The following EHMT1 variants were observed in gnomAD, a reference collection of about 807,000 sequenced individuals.
The protein encoded by EHMT1 is euchromatic histone lysine methyltransferase 1, also known as histone-lysine N-methyltransferase EHMT1.
In EHMT1, 15 loss-of-function variants were observed where a neutral mutation model predicts 147.2. That is an observed-to-expected ratio of 0.10 (90% CI 0.07 to 0.16). The LOEUF is 0.16. EHMT1 is among the 10% of genes least tolerant of loss of function. EHMT1 has a pLI of 1.00. For missense variants in EHMT1, 1,587 were observed against 1,772.4 expected (o/e 0.90, Z 1.88); for synonymous variants, 795 against 709.6 (o/e 1.12, Z -1.91).
chr9:137,643,410 G>A (rs1412319010), intron 1 of EHMT1, among the ~76,000 whole-genome samples: 2 of 142,494 alleles, frequency 1.4e-5, no homozygotes, highest in Admixed American at 7.6e-5. Flanking sequence ...GTGCCATCTC[G>A]GCTCACTGCA....
Position 137,782,505 on chromosome 9 carries a change from T to C in EHMT1, c.2382+108T>C. ...TTCTTCCAGTGTAAGAGTTCCGTAG[T>C]GCTGTGAATCGGGCACAGAGTCAGC... On this transcript the variant is annotated intron_variant, in intron 15 of 26. Transcript: ENST00000460843. The surrounding 1 kb of genome is among the most constrained non-coding windows in gnomAD (Gnocchi z 5.7). 9.4e-7 allele frequency: 1 copy of C among 1,059,568 alleles called. No homozygotes were observed. Among genetic ancestry groups the C allele is most frequent in the Non-Finnish European group, 1.4e-6 (1 of 717,052 alleles). The allele number at this position is 1,059,568 out of a possible 1,614,324, so 65.6% of individuals were successfully genotyped here.
chr9:137,728,611 C>G (rs549162838), intron 4 of EHMT1, 82 bp downstream of exon 4: 65 of 1,567,316 alleles, frequency 4.1e-5, no homozygotes, highest in Admixed American at 2.4e-4. Context: ...TTCTGTTTGG[C>G]TGTAAGTGCC....
intron 1 of EHMT1, among the ~76,000 whole-genome samples, chr9:137,643,780 C>CT (rs1483331988): frequency 3.3e-5 from 5 of 152,186 alleles, no homozygotes; most frequent in Admixed American, 6.5e-5. Flanking sequence ...TTGAGAGTCT[C>CT]TGTCTGTGGT....
At chr9:137,824,121 G>A (rs576676739) in intron 25 of EHMT1, among the ~76,000 whole-genome samples, 2 of 152,204 alleles carry the variant, frequency 1.3e-5, no homozygotes, top group South Asian at 2.1e-4. Context: ...AAAAATGCAA[G>A]TTAAGGCCAG....
chr9:137,740,691 A>G (rs1247582530), intron 4 of EHMT1, among the ~76,000 whole-genome samples: 1 of 152,238 alleles, frequency 6.6e-6, no homozygotes, highest in Non-Finnish European at 1.5e-5. Flanking sequence ...AGCAAATTTT[A>G]TACCTAACAT....
At chr9:137,716,591 C>G (rs762855093) in intron 2 of EHMT1, 35 bp from the exon 3 acceptor site, 8 of 1,530,400 alleles carry the variant, frequency 5.2e-6, no homozygotes, top group Non-Finnish European at 7.0e-6. Context: ...GAGAGCGTGG[C>G]CTGCAGTCAG....
intron 14 of EHMT1, among the ~76,000 whole-genome samples, chr9:137,781,744 C>T (rs979222721): frequency 3.9e-5 from 6 of 152,136 alleles, no homozygotes; most frequent in Non-Finnish European, 5.9e-5. Context: ...CTGGACAGTA[C>T]GTCAAGTAAA....
intron 4 of EHMT1, among the ~76,000 whole-genome samples, chr9:137,733,899 T>C (rs1947320431): frequency 6.6e-6 from 1 of 152,164 alleles, no homozygotes; most frequent in African/African-American, 2.4e-5. Flanking sequence ...GAAAAGACCT[T>C]AAGTTTAAAT....
intron 18 of EHMT1, among the ~76,000 whole-genome samples, chr9:137,807,664 C>T (rs1447731108): frequency 4.6e-5 from 7 of 152,038 alleles, no homozygotes; most frequent in Admixed American, 6.5e-5. Context: ...CGCACGACCA[C>T]GCCTGGCTAA....
At chr9:137,741,039 C>T (rs951074225) in intron 4 of EHMT1, among the ~76,000 whole-genome samples, 19 of 150,290 alleles carry the variant, frequency 1.3e-4, no homozygotes, top group African/African-American at 4.0e-4. Flanking sequence ...TGCAGTGGTG[C>T]GATCCTGGCT....
intron 21 of EHMT1, among the ~76,000 whole-genome samples, chr9:137,814,056 G>GCCCCCCCCCCCCCCCCCC (rs71387862): frequency 2.0e-5 from 1 of 50,050 alleles, no homozygotes; most frequent in African/African-American, 1.2e-4. Flanking sequence ...CACTGCCCAG[G>GCCCCCCCCCCCCCCCCCC]CCCCCCCCCC....
chr9:137,725,335 T>A (rs2135727488), intron 3 of EHMT1, among the ~76,000 whole-genome samples: 1 of 152,310 alleles, frequency 6.6e-6, no homozygotes, highest in East Asian at 1.9e-4. Context: ...CTTTCAGTGT[T>A]CCGTGTGTGA....
intron 18 of EHMT1, among the ~76,000 whole-genome samples, chr9:137,808,789 A>C (rs562643308): frequency 5.1e-4 from 77 of 152,226 alleles, no homozygotes; most frequent in African/African-American, 1.8e-3. Flanking sequence ...TGGGCCTGGT[A>C]GCATGAGCCT....
intron 22 of EHMT1, among the ~76,000 whole-genome samples, chr9:137,815,104 G>A (rs577533655): frequency 6.6e-6 from 1 of 152,256 alleles, no homozygotes; most frequent in African/African-American, 2.4e-5. Context: ...TCACGGTGGG[G>A]GCGGAAGCCA....
At chr9:137,795,485 G>A (rs562519687) in intron 16 of EHMT1, among the ~76,000 whole-genome samples, 3 of 148,870 alleles carry the variant, frequency 2.0e-5, no homozygotes, top group Non-Finnish European at 4.5e-5. Context: ...ACTCAGACCA[G>A]GACAACGTAG....
chr9:137,652,383 G>A (rs139202373), intron 1 of EHMT1, among the ~76,000 whole-genome samples: 9 of 152,180 alleles, frequency 5.9e-5, no homozygotes, highest in Admixed American at 2.6e-4. Flanking sequence ...CCCGGCCAGT[G>A]TGTCTTAGTT....
intron 3 of EHMT1, among the ~76,000 whole-genome samples, chr9:137,723,841 T>C (rs1382216474): frequency 6.6e-6 from 1 of 152,252 alleles, no homozygotes; most frequent in Non-Finnish European, 1.5e-5. Flanking sequence ...TTGTCACGGC[T>C]GCAGTCTCAC....
chr9:137,717,345 G>T, intron 3 of EHMT1, 163 bp downstream of exon 3: 1 of 918,658 alleles, frequency 1.1e-6, no homozygotes, highest in African/African-American at 1.6e-5. Flanking sequence ...GCTTACAGCT[G>T]TTATCGCAGC....
Position 137,707,864 on chromosome 9 carries a change from T to C in EHMT1, c.22-3103T>C, listed in dbSNP as rs541471707. On this transcript the variant is annotated intron_variant, in intron 1 of 26. Transcript: ENST00000460843. Reference sequence around the variant, plus strand: ...CAGCCTCACAAGGTCTGCCCTGCCATGCTCCACCCCGGCTCATCTCAGGCC... The same window carrying C: ...CAGCCTCACAAGGTCTGCCCTGCCACGCTCCACCCCGGCTCATCTCAGGCC... Among the ~76,000 whole-genome samples, 48 of 152,216 alleles carry C rather than the reference T, an allele frequency of 3.2e-4. 1 individual carries two copies. The highest frequency in any genetic ancestry group is 2.6e-3 in the Admixed American group (40 of 15,300).
Sources: allele counts gnomAD v4.1 joint callset (sites outside exome capture counted in the v4.1 genomes callset), GRCh38; gene constraint gnomAD v4.1.1; non-coding constraint Gnocchi (gnomAD v3.1); transcripts MANE v1.5; gene names NCBI Gene and HGNC (gene_info 2026-07-23, HGNC 2026-07-21).